DGKB: variants seen among roughly 807,000 people sequenced by gnomAD.
DGKB encodes 90 kDa diacylglycerol kinase.
Under a neutral mutation model 114.3 loss-of-function variants are expected in DGKB, and 67 were observed. That is an observed-to-expected ratio of 0.59 (90% CI 0.48 to 0.72). The LOEUF is 0.72. DGKB is among the 30% of genes least tolerant of loss of function. DGKB has a pLI of 0.00. For missense variants in DGKB, 907 were observed against 975.2 expected (o/e 0.93, Z 0.93); for synonymous variants, 398 against 323.1 (o/e 1.23, Z -2.49).
At position 14,676,487 on chromosome 7, in the gene DGKB, T is replaced by C. The variant is rs145517146; in HGVS notation, c.1036-3460A>G. ...GAAAGGATGGATACCCCATTCTCCA[T>C]GATGTGCTTATTTCACATTGCATGC... On this transcript the variant is annotated intron_variant, in intron 12 of 25. Coordinates refer to ENST00000402815, the MANE Select transcript of DGKB (RefSeq NM_001350709.2). 7.8e-3 allele frequency among the ~76,000 whole-genome samples: 1,192 copies of C among 152,252 alleles called. 11 individuals are homozygous for C. Among genetic ancestry groups the C allele is most frequent in the Non-Finnish European group, 0.012 (811 of 68,006 alleles).
chr7:14,808,265 A>G (rs1210155233), intron 2 of DGKB, among the ~76,000 whole-genome samples: 1 of 152,086 alleles, frequency 6.6e-6, no homozygotes, highest in Non-Finnish European at 1.5e-5. Flanking sequence ...TTTGCTCTAC[A>G]GAAAATAGCA....
At chr7:14,866,314 T>C (rs1851707134) in intron 1 of DGKB, among the ~76,000 whole-genome samples, 1 of 152,162 alleles carries the variant, frequency 6.6e-6, no homozygotes, top group African/African-American at 2.4e-5. Context: ...TTGCGCATTC[T>C]ATGGGTTTGG....
chr7:14,820,503 C>A (rs1281815951), intron 2 of DGKB, among the ~76,000 whole-genome samples: 1 of 152,116 alleles, frequency 6.6e-6, no homozygotes, highest in African/African-American at 2.4e-5. Context: ...CATTTCAAAT[C>A]ATTTTAAACT....
rs146217491 is a variant in DGKB, at chr7:14,169,932, C to G, written c.2304+6907G>C. On this transcript the variant is annotated intron_variant, in intron 25 of 25. Coordinates refer to ENST00000402815, the MANE Select transcript of DGKB (RefSeq NM_001350709.2). ...GGTGGATCACCTGAGGTTGGGAGTT[C>G]AAGACCAGCCTGACCAACATGGAGA... Among the ~76,000 whole-genome samples, 636 of 151,758 alleles carry G rather than the reference C, an allele frequency of 4.2e-3. 4 individuals carry two copies. Among genetic ancestry groups the G allele is most frequent in the African/African-American group, 0.014 (592 of 41,412 alleles).
chr7:14,260,932 A>G (rs954779932), intron 23 of DGKB, among the ~76,000 whole-genome samples: 4 of 152,212 alleles, frequency 2.6e-5, no homozygotes, highest in Non-Finnish European at 4.4e-5. Flanking sequence ...ATTTAACGAA[A>G]TCAAAGAGTC....
intron 23 of DGKB, among the ~76,000 whole-genome samples, chr7:14,320,613 T>G (rs890243564): frequency 2.6e-5 from 4 of 151,700 alleles, no homozygotes; most frequent in Admixed American, 1.3e-4. Context: ...ATATATGTGG[T>G]ACATATATAT....
rs1584213927 is a variant in DGKB at position 14,471,953 on chromosome 7, C to A, written c.1835+6208G>T. On this transcript the variant is annotated intron_variant, in intron 21 of 25. Coordinates refer to ENST00000402815, the MANE Select transcript of DGKB (RefSeq NM_001350709.2). ...ATACTTCTGACCAGGGGGCTGAGAA[C>A]CTATCTTTGTTTCATTCCAAAAATT... is the stretch of plus-strand genomic sequence containing the variant. Among the ~76,000 whole-genome samples, 10 of 152,192 alleles carry A rather than the reference C, an allele frequency of 6.6e-5. No individual in the cohort carries two copies. In the South Asian group the frequency reaches 2.1e-3, roughly 32 times the overall value.
At chr7:14,878,755 C>CAAAAAAAAAAA (rs5882472) in intron 1 of DGKB, among the ~76,000 whole-genome samples, 6 of 113,158 alleles carry the variant, frequency 5.3e-5, no homozygotes, top group Admixed American at 9.1e-5. Context: ...TCTCAAAAAA[C>CAAAAAAAAAAA]AAAAAAAAAA....
At chr7:14,348,817 G>A (rs1812926685) in intron 21 of DGKB, among the ~76,000 whole-genome samples, 1 of 151,760 alleles carries the variant, frequency 6.6e-6, no homozygotes, top group Non-Finnish European at 1.5e-5. Context: ...GAATGGATAA[G>A]TAGTAGAAGG....
chr7:14,338,072 A>G lies in DGKB; in HGVS notation c.2122+443T>C, dbSNP rs530959819. On this transcript the variant is annotated intron_variant, in intron 23 of 25. Transcript: ENST00000402815. ...CATTCTGTTATATATGGTACTTAGA[A>G]CAACAGCTCTGTAAAATAGCTTCAA... 2.6e-5 allele frequency among the ~76,000 whole-genome samples: 4 copies of G among 152,234 alleles called. No homozygotes were observed. In the South Asian group the frequency reaches 8.3e-4, roughly 32 times the overall value.
intron 1 of DGKB, among the ~76,000 whole-genome samples, chr7:14,870,662 G>A (rs961744237): frequency 3.9e-5 from 6 of 152,174 alleles, no homozygotes; most frequent in Admixed American, 2.0e-4. Flanking sequence ...GGGCATGGTG[G>A]CGTGTACCTG....
At position 14,478,204 on chromosome 7, in the gene DGKB, A is replaced by G; in HGVS notation, c.1792T>C (p.Phe598Leu). 1 of 1,602,194 alleles carries G rather than the reference A, an allele frequency of 6.2e-7. No homozygotes were observed. The highest frequency in any genetic ancestry group is 8.5e-7 in the Non-Finnish European group (1 of 1,172,954). Residue 598 changes from phenylalanine (F) to leucine (L), a missense_variant, in exon 21 of 26, where the codon TTC becomes CTC. By Grantham distance (22) the Phe-to-Leu change is conservative (BLOSUM62 0). Around this residue, in one of 3 missense-constraint regions of DGKB, gnomAD observed 814 missense variants for 856.6 expected, o/e 0.95. Transcript: ENST00000402815. ...IGVDASIAHR[F>L]HIMREKHPEK... The stretch of plus-strand genomic sequence containing the variant: ...GGGTGTTTTTCTCTCATGATGTGGA[A>G]TCTGTGTGCAATGGAGGCATCCTAA...
At chr7:14,696,214 C>G (rs1258846115) in intron 8 of DGKB, among the ~76,000 whole-genome samples, 1 of 152,112 alleles carries the variant, frequency 6.6e-6, no homozygotes, top group Non-Finnish European at 1.5e-5. Flanking sequence ...TGAATGGAGG[C>G]CGGGCGCGGT....
intron 25 of DGKB, among the ~76,000 whole-genome samples, chr7:14,164,013 A>C (rs1328410860): frequency 3.7e-5 from 4 of 107,898 alleles, no homozygotes; most frequent in East Asian, 3.0e-4. Flanking sequence ...AAAAACAAAC[A>C]AAAAAAAAAA....
intron 25 of DGKB, among the ~76,000 whole-genome samples, chr7:14,169,851 G>A (rs888294987): frequency 6.6e-6 from 1 of 151,902 alleles, no homozygotes; most frequent in African/African-American, 2.4e-5. Context: ...ATACATTAAG[G>A]CAGCCAGGTG....
intron 20 of DGKB, among the ~76,000 whole-genome samples, chr7:14,551,056 T>C (rs779343585): frequency 1.2e-4 from 13 of 107,728 alleles, no homozygotes; most frequent in Non-Finnish European, 2.1e-4. Context: ...ACTGGAGAAA[T>C]TCTGTTAACT....
At chr7:14,464,277 T>C (rs1833527421) in intron 21 of DGKB, among the ~76,000 whole-genome samples, 2 of 152,178 alleles carry the variant, frequency 1.3e-5, no homozygotes, top group Non-Finnish European at 2.9e-5. Flanking sequence ...ATTTGCAAAC[T>C]ACATGAATCA....
chr7:14,959,478 T>C (rs1190354779), intron 1 of DGKB, among the ~76,000 whole-genome samples: 2 of 152,024 alleles, frequency 1.3e-5, no homozygotes, highest in African/African-American at 4.8e-5. Flanking sequence ...ATCCAGCTTC[T>C]TGAATTTAAT....
chr7:14,272,352 C>A (rs1798384311), intron 23 of DGKB, among the ~76,000 whole-genome samples: 1 of 152,032 alleles, frequency 6.6e-6, no homozygotes, highest in African/African-American at 2.4e-5. Flanking sequence ...AAATGCCAGG[C>A]ATCATTATTA....
Sources: gnomAD v4.1 joint callset for allele counts (sites outside exome capture counted in the v4.1 genomes callset) on GRCh38, gnomAD v4.1.1 for gene constraint, gnomAD v4.1.1 regional missense constraint, MANE v1.5 for transcripts, NCBI Gene and HGNC (gene_info 2026-07-23, HGNC 2026-07-21) for gene names.